Variants in CHRM2 observed in about 807,000 individuals in gnomAD.
The protein encoded by CHRM2 is cholinergic receptor muscarinic 2.
A neutral mutation model predicts 25.0 loss-of-function variants in CHRM2; 8 were observed. The observed-to-expected ratio is 0.32, with a 90% CI of 0.19 to 0.58. The LOEUF is 0.58. Among genes scored for constraint, CHRM2 ranks in the 20% least tolerant of loss-of-function variants. The pLI is 0.88. For missense variants in CHRM2, 440 were observed against 567.1 expected, an observed-to-expected ratio of 0.78 and a Z score of 2.28; for synonymous variants, 202 against 205.7, an observed-to-expected ratio of 0.98 and a Z score of 0.15.
intron 2 of CHRM2, among the ~76,000 whole-genome samples, chr7:136,913,755 T>C (rs1797966569): frequency 6.6e-6 from 1 of 151,966 alleles, no homozygotes; most frequent in South Asian, 2.1e-4. Context: ...TGGGTATTAT[T>C]TTAAAAAATT....
At chr7:136,943,982 T>C (rs1167424251) in intron 2 of CHRM2, among the ~76,000 whole-genome samples, 1 of 152,156 alleles carries the variant, frequency 6.6e-6, no homozygotes, top group Admixed American at 6.6e-5. Context: ...GAAAGATTGT[T>C]CACAACTCTG....
intron 2 of CHRM2, among the ~76,000 whole-genome samples, chr7:136,936,454 C>T (rs1799416370): frequency 6.6e-6 from 1 of 152,044 alleles, no homozygotes; most frequent in South Asian, 2.1e-4. Context: ...CTAATAGACA[C>T]CTAAATGGTC....
chr7:136,907,672 C>A (rs923419471), intron 2 of CHRM2, among the ~76,000 whole-genome samples: 1 of 151,884 alleles, frequency 6.6e-6, no homozygotes. Context: ...CTCAGCCAAA[C>A]ATACTTACAA....
chr7:136,895,124 T>G (rs1410873606), intron 2 of CHRM2, among the ~76,000 whole-genome samples: 1 of 152,216 alleles, frequency 6.6e-6, no homozygotes, highest in Non-Finnish European at 1.5e-5. Flanking sequence ...TTTAAAATAA[T>G]AAAATATTTT....
At chr7:136,938,386 T>C in intron 2 of CHRM2, 1 of 1,586,860 alleles carries the variant, frequency 6.3e-7, no homozygotes, top group Non-Finnish European at 8.6e-7. Flanking sequence ...CATCTTGTTC[T>C]GCTGCTCCAG....
chr7:136,933,398 C>A (rs1400798376), intron 2 of CHRM2, among the ~76,000 whole-genome samples: 2 of 152,176 alleles, frequency 1.3e-5, no homozygotes, highest in African/African-American at 4.8e-5. Flanking sequence ...TTATTTCATA[C>A]ACACCAGGAG....
intron 2 of CHRM2, among the ~76,000 whole-genome samples, chr7:136,960,612 G>A (rs1457541694): frequency 6.6e-6 from 1 of 152,196 alleles, no homozygotes; most frequent in East Asian, 1.9e-4. Flanking sequence ...CTGCTAAAGT[G>A]AACAACTTAA....
rs1387203482 is a variant in CHRM2, at chr7:136,945,407, T to C, written c.-124-46780T>C. Reference sequence around the variant, plus strand: ...GATCCATCGTGAGTTGCTTTTAGTGTACGGTGAGAGATGAGGATCCAGTTT... The same window carrying C: ...GATCCATCGTGAGTTGCTTTTAGTGCACGGTGAGAGATGAGGATCCAGTTT... On this transcript the variant is annotated intron_variant, in intron 2 of 3. Transcript: ENST00000680005. Among the ~76,000 whole-genome samples the C allele has an allele frequency of 2.6e-5, 4 of 152,154 alleles. No homozygotes were observed. In the South Asian group the frequency reaches 6.2e-4, roughly 24 times the overall value.
intron 2 of CHRM2, among the ~76,000 whole-genome samples, chr7:136,922,017 T>C (rs1160533624): frequency 6.6e-6 from 1 of 152,168 alleles, no homozygotes; most frequent in East Asian, 1.9e-4. Context: ...TCTGCCTGCC[T>C]CATTCTCCCA....
At chr7:136,945,331 A>G (rs561417166) in intron 2 of CHRM2, among the ~76,000 whole-genome samples, 151 of 152,130 alleles carry the variant, frequency 9.9e-4, no homozygotes, top group Non-Finnish European at 1.2e-3. Context: ...GGGCTTTTCC[A>G]ATGTTATCTT....
intron 2 of CHRM2, among the ~76,000 whole-genome samples, chr7:136,941,324 T>C (rs559660708): frequency 1.4e-4 from 21 of 152,186 alleles, no homozygotes; most frequent in Non-Finnish European, 2.6e-4. Flanking sequence ...AACCAAAAGG[T>C]GCCTCAGACA....
intron 2 of CHRM2, among the ~76,000 whole-genome samples, chr7:136,887,866 A>G (rs910703172): frequency 6.6e-6 from 1 of 152,144 alleles, no homozygotes; most frequent in Non-Finnish European, 1.5e-5. Context: ...TTTACATTTG[A>G]AGAAACAGAT....
chr7:136,902,654 T>A (rs969928995), intron 2 of CHRM2: 2 of 165,468 alleles, frequency 1.2e-5, no homozygotes, highest in African/African-American at 4.8e-5. Context: ...GGGCAAATCA[T>A]AAACAGCTAG....
intron 2 of CHRM2, among the ~76,000 whole-genome samples, chr7:136,894,671 C>T (rs1170963029): frequency 6.6e-6 from 1 of 152,084 alleles, no homozygotes; most frequent in Non-Finnish European, 1.5e-5. Flanking sequence ...CATGCCCAGC[C>T]TCTATTTTAA....
intron 2 of CHRM2, chr7:136,870,842 A>C (rs1795799747): frequency 6.6e-6 from 1 of 152,236 alleles, no homozygotes; most frequent in Non-Finnish European, 1.5e-5. Context: ...AGCCAAGAAG[A>C]GCGCGGCGCC....
chr7:136,893,988 G>C (rs1413654219), intron 2 of CHRM2, among the ~76,000 whole-genome samples: 2 of 151,720 alleles, frequency 1.3e-5, no homozygotes, highest in Non-Finnish European at 2.9e-5. Context: ...CTCTTCTCTT[G>C]GCTTTTGGTC....
At chr7:136,893,147 C>A (rs112802853) in intron 2 of CHRM2, among the ~76,000 whole-genome samples, 2,337 of 152,238 alleles carry the variant, frequency 0.015, 54 homozygotes, top group African/African-American at 0.053. Flanking sequence ...TGCCAGCAGA[C>A]TTCTGGGAAT....
Position 136,992,766 on chromosome 7 carries a change from T to C in CHRM2, c.-47+502T>C, listed in dbSNP as rs543162960. Among the ~76,000 whole-genome samples, 42 of 152,300 alleles carry C rather than the reference T, an allele frequency of 2.8e-4. 1 individual carries two copies. The highest frequency in any genetic ancestry group is 1.0e-3 in the Admixed American group (16 of 15,272). ...CTTTCTCTCTATCTAAAGAGATTTC[T>C]TTTAAGGAATTGAATCATGAAACTA... On this transcript the variant is annotated intron_variant, in intron 3 of 3. Coordinates refer to ENST00000680005, the MANE Select transcript of CHRM2 (RefSeq NM_001006630.2).
intron 2 of CHRM2, among the ~76,000 whole-genome samples, chr7:136,982,907 C>T (rs1280489683): frequency 2.0e-5 from 3 of 152,062 alleles, no homozygotes; most frequent in Admixed American, 6.6e-5. Flanking sequence ...GTGAATCTGA[C>T]GATTATGTGT....
Sources: allele counts gnomAD v4.1 joint callset (sites outside exome capture counted in the v4.1 genomes callset), GRCh38; gene constraint gnomAD v4.1.1; transcripts MANE v1.5; gene names NCBI Gene and HGNC (gene_info 2026-07-23, HGNC 2026-07-21).